Variants in FLT1 observed in about 807,000 individuals in gnomAD.
FLT1 encodes fms related receptor tyrosine kinase 1.
Under a neutral mutation model 156.3 loss-of-function variants are expected in FLT1, and 49 were observed. The ratio of observed to expected loss-of-function variants is 0.31; its 90% CI spans 0.25 to 0.40. FLT1 has a LOEUF of 0.40. Among genes scored for constraint, FLT1 ranks in the 10% least tolerant of loss-of-function variants. FLT1 has a pLI of 1.00. For synonymous variants in FLT1, 594 were observed against 583.8 expected (o/e 1.02, Z -0.25); for missense variants, 1,322 against 1,637.2 (o/e 0.81, Z 3.32).
chr13:28,406,630 A>T (rs991715819), intron 10 of FLT1, among the ~76,000 whole-genome samples: 4 of 9,932 alleles, frequency 4.0e-4, no homozygotes, highest in Non-Finnish European at 0.011. Flanking sequence ...GAGGAATTTT[A>T]TTATTATTAT....
intron 1 of FLT1, among the ~76,000 whole-genome samples, chr13:28,488,817 A>G (rs1322112438): frequency 6.6e-6 from 1 of 152,244 alleles, no homozygotes; most frequent in African/African-American, 2.4e-5. Flanking sequence ...CAAGGCCCCT[A>G]TTAAAACAGA....
intron 11 of FLT1, among the ~76,000 whole-genome samples, chr13:28,403,251 G>A (rs1478135765): frequency 6.6e-6 from 1 of 152,136 alleles, no homozygotes; most frequent in Non-Finnish European, 1.5e-5. Context: ...TTGACTCCAG[G>A]GCTCCTGATG....
chr13:28,322,837 G>A lies in FLT1; in HGVS notation c.2906C>T (p.Ser969Phe), dbSNP rs773439972. The stretch of plus-strand genomic sequence containing the variant: ...CAGACTTTTATCTTCCTGAAAGCCG[G>A]AGCTCGCAAAGCTTTCGCTGCTGGT... ...SVTSSESFAS[S>F]GFQEDKSLSD... Residue 969 changes from serine to phenylalanine, a missense_variant, in exon 21 of 30, where the codon TCC (serine) becomes TTC (phenylalanine). Physicochemically the swap from Ser to Phe is radical, Grantham distance 155. Coordinates refer to ENST00000282397, the MANE Select transcript of FLT1 (RefSeq NM_002019.4). This position sits in a 1 kb window ranked among gnomAD's most constrained non-coding sequence, Gnocchi z 4.3. 1 of 1,614,094 alleles carries A rather than the reference G, an allele frequency of 6.2e-7. No individual in the cohort carries two copies. Among genetic ancestry groups the A allele is most frequent in the South Asian group, 1.1e-5 (1 of 91,076 alleles).
intron 10 of FLT1, among the ~76,000 whole-genome samples, chr13:28,426,736 T>G (rs140105336): frequency 1.3e-5 from 2 of 152,222 alleles, no homozygotes; most frequent in Non-Finnish European, 2.9e-5. Flanking sequence ...GTAGGAAACA[T>G]AGTGATCACT....
At chr13:28,494,676 C>A in intron 1 of FLT1, 104 bp downstream of exon 1, 1 of 875,510 alleles carries the variant, frequency 1.1e-6, no homozygotes, top group Non-Finnish European at 1.8e-6. Flanking sequence ...CTCCGGGCTA[C>A]AGCCTCGTCT....
intron 20 of FLT1, among the ~76,000 whole-genome samples, chr13:28,325,498 A>G (rs561425674): frequency 1.7e-4 from 26 of 152,264 alleles, no homozygotes; most frequent in African/African-American, 5.8e-4. Context: ...AACTGATCAC[A>G]AAGATCCCTT....
intron 24 of FLT1, 140 bp downstream of exon 24, chr13:28,319,283 T>A: frequency 1.5e-6 from 1 of 683,892 alleles, no homozygotes. Context: ...CATCTGAGAG[T>A]CTACATGGGC....
intron 25 of FLT1, among the ~76,000 whole-genome samples, chr13:28,314,417 AT>A (rs1241212620): frequency 6.6e-6 from 1 of 152,256 alleles, no homozygotes; most frequent in Non-Finnish European, 1.5e-5. Flanking sequence ...AAATAAAAAA[AT>A]TCATTGCTTA....
chr13:28,312,791 G>A (rs953244382), intron 25 of FLT1, among the ~76,000 whole-genome samples: 7 of 151,942 alleles, frequency 4.6e-5, no homozygotes, highest in South Asian at 2.1e-4. Context: ...TTCTCCCCCA[G>A]CACTGCAAAG....
intron 3 of FLT1, among the ~76,000 whole-genome samples, chr13:28,463,127 A>C (rs764359768): frequency 6.6e-6 from 1 of 152,220 alleles, no homozygotes; most frequent in Non-Finnish European, 1.5e-5. Context: ...GTAAGAAATT[A>C]TTATATTAGC....
At chr13:28,304,003 G>A (rs374471281) in intron 29 of FLT1, among the ~76,000 whole-genome samples, 1 of 152,156 alleles carries the variant, frequency 6.6e-6, no homozygotes, top group African/African-American at 2.4e-5. Context: ...TCCAGACTAG[G>A]ACAGACACCT....
At chr13:28,465,597 C>G (rs1012244559) in intron 3 of FLT1, among the ~76,000 whole-genome samples, 2 of 152,174 alleles carry the variant, frequency 1.3e-5, no homozygotes, top group African/African-American at 4.8e-5. Flanking sequence ...AATCCCAACA[C>G]TTTGGGAGGC....
chr13:28,411,530 G>C (rs937140714), intron 10 of FLT1, among the ~76,000 whole-genome samples: 25 of 113,140 alleles, frequency 2.2e-4, no homozygotes, highest in Admixed American at 7.3e-4. Context: ...TGGTCAAGAA[G>C]AGCGAAACTC....
chr13:28,393,179 G>A (rs1017096152), intron 12 of FLT1, among the ~76,000 whole-genome samples: 24 of 152,114 alleles, frequency 1.6e-4, no homozygotes, highest in African/African-American at 4.8e-4. Flanking sequence ...CATCTTATGA[G>A]GTGTCATGGA....
At chr13:28,451,569 C>G (rs1321447724) in intron 3 of FLT1, among the ~76,000 whole-genome samples, 1 of 152,140 alleles carries the variant, frequency 6.6e-6, no homozygotes, top group Non-Finnish European at 1.5e-5. Flanking sequence ...AGTGGGTTTT[C>G]CGAGAGGACA....
intron 28 of FLT1, among the ~76,000 whole-genome samples, 195 bp from the exon 29 acceptor site, chr13:28,306,967 C>CA (rs1870777598): frequency 6.6e-6 from 1 of 152,172 alleles, no homozygotes; most frequent in South Asian, 2.1e-4. Context: ...GTCTGATCCC[C>CA]AGTGACTTTG....
rs1259777185 is a variant in FLT1 at position 28,317,773 on chromosome 13, C to A, written c.3287-176G>T. ...CAACACACAGAGAAGCTCAGCAAAT[C>A]CTTGCTAAGGACACCCGCTTGGTTG... is the stretch of plus-strand genomic sequence containing the variant. On this transcript the variant is annotated intron_variant, in intron 24 of 29. Coordinates refer to ENST00000282397, the MANE Select transcript of FLT1 (RefSeq NM_002019.4). Among the ~76,000 whole-genome samples, 4 of 152,246 alleles carry A rather than the reference C, an allele frequency of 2.6e-5. No individual in the cohort carries two copies. In the East Asian group the frequency reaches 7.7e-4, roughly 29 times the overall value.
At chr13:28,351,632 T>C (rs1164498305) in intron 15 of FLT1, among the ~76,000 whole-genome samples, 1 of 152,252 alleles carries the variant, frequency 6.6e-6, no homozygotes, top group Non-Finnish European at 1.5e-5. Context: ...CAGTGATGTA[T>C]GGAAATGCTG....
intron 12 of FLT1, among the ~76,000 whole-genome samples, chr13:28,394,076 AT>A (rs1874896172): frequency 6.6e-6 from 1 of 152,246 alleles, no homozygotes; most frequent in South Asian, 2.1e-4. Context: ...GAGGTACAAC[AT>A]TCATGAGTCT....
Sources: gnomAD v4.1 joint callset for allele counts (sites outside exome capture counted in the v4.1 genomes callset) on GRCh38, gnomAD v4.1.1 for gene constraint, Gnocchi (gnomAD v3.1) non-coding constraint, MANE v1.5 for transcripts, NCBI Gene and HGNC (gene_info 2026-07-23, HGNC 2026-07-21) for gene names.